Variants in CDC16 observed in about 807,000 individuals in gnomAD.
CDC16 encodes the protein cell division cycle 16, also known as cell division cycle protein 16 homolog.
CDC16 carries 34 observed loss-of-function variants against 87.0 expected under a neutral mutation model. The observed-to-expected ratio is 0.39, with a 90% CI of 0.30 to 0.52. CDC16 has a LOEUF of 0.52. CDC16 is among the 20% of genes least tolerant of loss of function. CDC16 has a pLI of 0.74. For missense variants in CDC16, 653 were observed against 751.9 expected, an observed-to-expected ratio of 0.87 and a Z score of 1.54; for synonymous variants, 263 against 260.6, an observed-to-expected ratio of 1.01 and a Z score of -0.09.
Position 114,272,412 on chromosome 13 carries a change from T to C in CDC16, c.1832T>C (p.Leu611Ser). ...EIEMNESDMM[L>S]ETSMSDHST ...GAAATGAATGAAAGTGACATGATGT[T>C]AGAGACATCTATGTCAGACCACAGC... Residue 611 changes from leucine (L) to serine (S), a missense_variant, in exon 18 of 18, where the codon TTA (leucine) becomes TCA (serine). Transcript: ENST00000356221. 1 of 1,614,050 alleles carries C rather than the reference T, an allele frequency of 6.2e-7. No homozygotes were observed. Among genetic ancestry groups the C allele is most frequent in the Non-Finnish European group, 8.5e-7 (1 of 1,179,872 alleles).
intron 9 of CDC16, 126 bp from the exon 10 acceptor site, chr13:114,245,874 G>T: frequency 1.6e-6 from 1 of 631,888 alleles, no homozygotes; most frequent in Non-Finnish European, 2.8e-6. Context: ...TATCTAGAAG[G>T]AAAGACAAGT....
At position 114,236,811 on chromosome 13, in the gene CDC16, A is replaced by T; in HGVS notation, c.116A>T (p.Asp39Val). ...TTTTTCCCTCCAGAAGAACCCCAGG[A>T]CATCTATTGGTTGGCTCAGTGTCTT... is the stretch of plus-strand genomic sequence containing the variant. ...VASLSREEPQ[D>V]IYWLAQCLYL... The change falls in exon 3 of 18, where the codon GAC becomes GTC. Residue 39 changes from aspartate to valine, a missense_variant. Asp to Val is a radical substitution (Grantham distance 152). Coordinates refer to ENST00000356221, the MANE Select transcript of CDC16 (RefSeq NM_001078645.3). The T allele has an allele frequency of 6.2e-7, 1 of 1,613,566 alleles. No individual in the cohort carries two copies. The highest frequency in any genetic ancestry group is 8.5e-7 in the Non-Finnish European group (1 of 1,179,594).
intron 11 of CDC16, among the ~76,000 whole-genome samples, chr13:114,249,044 C>T (rs1281135006): frequency 2.0e-5 from 3 of 151,710 alleles, no homozygotes; most frequent in African/African-American, 7.3e-5. Context: ...ATTATTATTA[C>T]ATTGTAGCAT....
intron 4 of CDC16, 85 bp from the exon 5 acceptor site, chr13:114,239,265 G>A (rs2138865682): frequency 6.6e-7 from 1 of 1,522,778 alleles, no homozygotes; most frequent in Non-Finnish European, 8.9e-7. Context: ...AATGGGCATA[G>A]TATATGTTAT....
intron 5 of CDC16, 71 bp downstream of exon 5, chr13:114,239,561 T>G (rs1051351279): frequency 6.4e-6 from 9 of 1,397,106 alleles, no homozygotes; most frequent in Non-Finnish European, 8.4e-6. Flanking sequence ...AGAAACACAT[T>G]ATCTTCTTTT....
intron 6 of CDC16, 55 bp downstream of exon 6, chr13:114,242,335 A>AT (rs776975990): frequency 6.5e-7 from 1 of 1,538,234 alleles, no homozygotes; most frequent in East Asian, 2.2e-5. Context: ...TATTGTTTGG[A>AT]TTTTTTGCCT....
rs1467776506 is a variant in CDC16, at chr13:114,272,307, A to C, written c.1727A>C (p.Glu576Ala). 1 of 1,614,276 alleles carries C rather than the reference A, an allele frequency of 6.2e-7. No homozygotes were observed. Among genetic ancestry groups the C allele is most frequent in the African/African-American group, 1.3e-5 (1 of 75,076 alleles). Residue 576 changes from glutamate to alanine, a missense_variant, in exon 18 of 18, where the codon GAA (glutamate) becomes GCA (alanine). Glu to Ala is a moderately radical substitution (Grantham distance 107). Transcript: ENST00000356221. ...REFEVEKQTA[E>A]ETGLTPLETS... ...TTTGAAGTAGAAAAACAGACTGCAG[A>C]AGAAACGGGGCTTACGCCATTGGAA...
rs1279742164 is a variant in CDC16 at position 114,265,191 on chromosome 13, G to T, written c.1554G>T (p.Met518Ile). 6.2e-7 allele frequency: 1 copy of T among 1,612,632 alleles called. No individual in the cohort carries two copies. Among genetic ancestry groups the T allele is most frequent in the African/African-American group, 1.3e-5 (1 of 74,970 alleles). The change falls in exon 17 of 18, where the codon ATG becomes ATT. Residue 518 changes from methionine (M) to isoleucine (I), a missense_variant. Met to Ile is a conservative substitution (Grantham distance 10, BLOSUM62 1). Coordinates refer to ENST00000356221, the MANE Select transcript of CDC16 (RefSeq NM_001078645.3). ...GAGATGATACATTTTCTGTTACAAT[G>T]CTTGGTCATTGCATCGAAATGTACA... ...LRRDDTFSVT[M>I]LGHCIEMYIG...
chr13:114,240,168 T>C (rs2081472913), intron 5 of CDC16, among the ~76,000 whole-genome samples: 1 of 152,172 alleles, frequency 6.6e-6, no homozygotes, highest in Non-Finnish European at 1.5e-5. Flanking sequence ...AAAGAATCCC[T>C]GTAAGCCTTA....
intron 17 of CDC16, among the ~76,000 whole-genome samples, chr13:114,267,161 T>A (rs187742099): frequency 6.6e-6 from 1 of 152,274 alleles, no homozygotes; most frequent in Admixed American, 6.5e-5. Context: ...GTGAATCTAC[T>A]CTGGATGAAA....
rs751608937 is a variant in CDC16 at position 114,272,323 on chromosome 13, G to A, written c.1743G>A (p.Thr581=). 15 of 1,614,066 alleles carry A rather than the reference G, an allele frequency of 9.3e-6. No homozygotes were observed. The highest frequency in any genetic ancestry group is 4.0e-5 in the African/African-American group (3 of 74,924). The part of the protein sequence containing the change: ...EKQTAEETGL[T]PLETSRKTPD... ...AGACTGCAGAAGAAACGGGGCTTAC[G>A]CCATTGGAAACCTCAAGGAAAACTC... Residue 581 remains threonine (T), a synonymous_variant, in exon 18 of 18, where the codon ACG becomes ACA. Coordinates refer to ENST00000356221, the MANE Select transcript of CDC16 (RefSeq NM_001078645.3).
At chr13:114,251,430 C>A (rs1278702786) in intron 12 of CDC16, among the ~76,000 whole-genome samples, 1 of 152,220 alleles carries the variant, frequency 6.6e-6, no homozygotes, top group Non-Finnish European at 1.5e-5. Flanking sequence ...GAGTGTCTTA[C>A]ACATAGAAAG....
chr13:114,264,648 G>T lies in CDC16; in HGVS notation c.1513-502G>T, dbSNP rs370053391. On this transcript the variant is annotated intron_variant, in intron 16 of 17. Transcript: ENST00000356221. ...TTCTTTTGAGATAGTATTTTGCTTTGTCGCCTAGGCTAGAGTGCAGTGGTA... is the reference window on the plus strand; with the variant it reads ...TTCTTTTGAGATAGTATTTTGCTTTTTCGCCTAGGCTAGAGTGCAGTGGTA... Among the ~76,000 whole-genome samples, 28 of 152,132 alleles carry T rather than the reference G, an allele frequency of 1.8e-4. 1 individual carries two copies. In the East Asian group the frequency reaches 2.1e-3, roughly 12 times the overall value.
intron 9 of CDC16, chr13:114,245,702 C>A: frequency 3.6e-6 from 1 of 279,758 alleles, no homozygotes; most frequent in Non-Finnish European, 6.6e-6. Context: ...TATGATGGTC[C>A]ATAATGGGCC....
intron 14 of CDC16, among the ~76,000 whole-genome samples, chr13:114,261,447 T>C (rs1594658975): frequency 6.6e-6 from 1 of 150,494 alleles, no homozygotes; most frequent in Non-Finnish European, 1.5e-5. Context: ...TCAGAGGGGG[T>C]GGGGGTGCCA....
chr13:114,265,340 C>G (rs1246646300), intron 17 of CDC16, 100 bp downstream of exon 17: 2 of 777,738 alleles, frequency 2.6e-6, no homozygotes, highest in Non-Finnish European at 4.5e-6. Flanking sequence ...GTTCCAAGTT[C>G]ATCTTTCTAA....
chr13:114,270,112 G>A lies in CDC16; in HGVS notation c.1604-2072G>A, dbSNP rs146420587. Among the ~76,000 whole-genome samples the A allele has an allele frequency of 3.3e-4, 51 of 152,316 alleles. No individual in the cohort carries two copies. The East Asian group carries it at 9.1e-3, about 27-fold the overall frequency. On this transcript the variant is annotated intron_variant, in intron 17 of 17. Coordinates refer to ENST00000356221, the MANE Select transcript of CDC16 (RefSeq NM_001078645.3). ...CGCATTGCTGTAAAGAAATACCTGAGCCTGGGTAATTTATAAGAAAAGAAA... is the reference window on the plus strand; with the variant it reads ...CGCATTGCTGTAAAGAAATACCTGAACCTGGGTAATTTATAAGAAAAGAAA...
intron 10 of CDC16, 63 bp downstream of exon 10, chr13:114,246,112 A>G (rs529415431): frequency 4.0e-6 from 3 of 741,642 alleles, no homozygotes; most frequent in Non-Finnish European, 6.6e-6. Flanking sequence ...GAAAATGCTT[A>G]ACTCGTATTT....
intron 12 of CDC16, among the ~76,000 whole-genome samples, chr13:114,256,535 C>G (rs2082508254): frequency 6.6e-6 from 1 of 152,186 alleles, no homozygotes; most frequent in South Asian, 2.1e-4. Context: ...AAAAGTAGTT[C>G]TGACTCTGCC....
Sources: gnomAD v4.1 joint callset for allele counts (sites outside exome capture counted in the v4.1 genomes callset) on GRCh38, gnomAD v4.1.1 for gene constraint, MANE v1.5 for transcripts, NCBI Gene and HGNC (gene_info 2026-07-23, HGNC 2026-07-21) for gene names.